Variants in FAM78B observed in about 807,000 individuals in gnomAD.
The protein encoded by FAM78B is family with sequence similarity 78 member B.
Under a neutral mutation model 20.0 loss-of-function variants are expected in FAM78B, and 10 were observed. The ratio of observed to expected loss-of-function variants is 0.50; its 90% CI spans 0.31 to 0.85. The LOEUF (loss-of-function observed/expected upper bound fraction) is 0.85, where lower values mean the gene tolerates loss of function less well. Ranked by LOEUF, FAM78B falls within the 40% of genes least tolerant of loss-of-function variation. The pLI is 0.05. For synonymous variants in FAM78B, 135 were observed against 132.8 expected (o/e 1.02, Z -0.12); for missense variants, 283 against 345.0 (o/e 0.82, Z 1.42).
At chr1:166,120,500 G>A (rs187229877) in intron 1 of FAM78B, among the ~76,000 whole-genome samples, 134 of 152,346 alleles carry the variant, frequency 8.8e-4, no homozygotes, top group Non-Finnish European at 1.2e-3. Flanking sequence ...ATGTTGAAAC[G>A]AGAGCATGGT....
intron 1 of FAM78B, among the ~76,000 whole-genome samples, chr1:166,112,026 G>T (rs944145341): frequency 6.6e-6 from 1 of 152,164 alleles, no homozygotes; most frequent in Non-Finnish European, 1.5e-5. Context: ...ACTCAGTGCT[G>T]TGTCCTTCCC....
intron 1 of FAM78B, among the ~76,000 whole-genome samples, chr1:166,150,148 G>T (rs1655621636): frequency 6.6e-6 from 1 of 152,156 alleles, no homozygotes; most frequent in South Asian, 2.1e-4. Context: ...CAGAGAAACT[G>T]GGTCTGCTGA....
At chr1:166,131,480 A>G (rs879648155) in intron 1 of FAM78B, among the ~76,000 whole-genome samples, 7 of 152,184 alleles carry the variant, frequency 4.6e-5, no homozygotes, top group Non-Finnish European at 8.8e-5. Flanking sequence ...ACTACCTCAC[A>G]GTAGTGGGCA....
chr1:166,061,348 T>C (rs923315100), intron 2 of FAM78B, among the ~76,000 whole-genome samples: 1 of 152,154 alleles, frequency 6.6e-6, no homozygotes, highest in Non-Finnish European at 1.5e-5. Flanking sequence ...TTCTTGATCA[T>C]TCTTCTGTTT....
chr1:166,075,432 T>C (rs1039175648), intron 1 of FAM78B, among the ~76,000 whole-genome samples: 2 of 152,206 alleles, frequency 1.3e-5, no homozygotes, highest in Non-Finnish European at 2.9e-5. Context: ...ATTGTGTGTG[T>C]GTGTGTAATC....
chr1:166,148,760 G>A (rs1321813644), intron 1 of FAM78B, among the ~76,000 whole-genome samples: 1 of 152,244 alleles, frequency 6.6e-6, no homozygotes, highest in Non-Finnish European at 1.5e-5. Flanking sequence ...TTCTCCCAAT[G>A]CAGTTGTCCA....
At chr1:166,098,671 T>C (rs1653379089) in intron 1 of FAM78B, among the ~76,000 whole-genome samples, 1 of 152,022 alleles carries the variant, frequency 6.6e-6, no homozygotes, top group Non-Finnish European at 1.5e-5. Flanking sequence ...AGTCTTCGAA[T>C]TAACCCAATC....
chr1:166,106,468 C>T (rs1391787651), intron 1 of FAM78B, among the ~76,000 whole-genome samples: 2 of 151,050 alleles, frequency 1.3e-5, no homozygotes, highest in Non-Finnish European at 2.9e-5. Flanking sequence ...AAATATAGTA[C>T]ACATACACCA....
intron 1 of FAM78B, among the ~76,000 whole-genome samples, chr1:166,145,615 A>C (rs183076295): frequency 1.3e-5 from 2 of 152,348 alleles, no homozygotes; most frequent in African/African-American, 4.8e-5. Flanking sequence ...ACAGGCCACA[A>C]TGCATTATCT....
At chr1:166,075,151 G>A (rs764800379) in intron 1 of FAM78B, among the ~76,000 whole-genome samples, 2 of 152,138 alleles carry the variant, frequency 1.3e-5, no homozygotes, top group African/African-American at 2.4e-5. Flanking sequence ...CTTTTGCTCA[G>A]GAGAGTTAAC....
chr1:166,077,845 A>G (rs1411516072), intron 1 of FAM78B, among the ~76,000 whole-genome samples: 1 of 120,398 alleles, frequency 8.3e-6, no homozygotes, highest in Non-Finnish European at 1.6e-5. Flanking sequence ...ATTTATATAT[A>G]TAATAATATA....
At chr1:166,107,796 T>G (rs1653845875) in intron 1 of FAM78B, among the ~76,000 whole-genome samples, 1 of 152,200 alleles carries the variant, frequency 6.6e-6, no homozygotes, top group Admixed American at 6.5e-5. Context: ...TAATCCGTGA[T>G]GATCAAGTGG....
At chr1:166,058,524 T>C (rs1651444944) in exon 3 of FAM78B, 1 of 151,360 alleles carries the variant, frequency 6.6e-6, no homozygotes, top group South Asian at 2.1e-4. Flanking sequence ...TGTGTGTGTG[T>C]GTGTGTGTGT....
chr1:166,104,957 C>T (rs1046977205), intron 1 of FAM78B, among the ~76,000 whole-genome samples: 3 of 152,206 alleles, frequency 2.0e-5, no homozygotes. Flanking sequence ...TCAAACTATA[C>T]TACAAGGGTA....
At chr1:166,076,713 C>G (rs957918297) in intron 1 of FAM78B, among the ~76,000 whole-genome samples, 2 of 152,144 alleles carry the variant, frequency 1.3e-5, no homozygotes, top group Non-Finnish European at 1.5e-5. Context: ...AATAGGAGTT[C>G]AAAATCATTT....
chr1:166,067,338 T>C (rs895766031), downstream of FAM78B, among the ~76,000 whole-genome samples: 3 of 152,162 alleles, frequency 2.0e-5, no homozygotes, highest in African/African-American at 7.2e-5. Flanking sequence ...TTAAGAAAAC[T>C]TAAGGCCTGA....
At chr1:166,158,669 C>T (rs1186234704) in intron 1 of FAM78B, among the ~76,000 whole-genome samples, 1 of 152,242 alleles carries the variant, frequency 6.6e-6, no homozygotes, top group Non-Finnish European at 1.5e-5. Context: ...CCCAAAACAA[C>T]AACAACAACT....
chr1:166,124,752 G>C (rs1654579463), intron 1 of FAM78B, among the ~76,000 whole-genome samples: 1 of 152,210 alleles, frequency 6.6e-6, no homozygotes, highest in Non-Finnish European at 1.5e-5. Flanking sequence ...GAACTGAACG[G>C]AACCTCCTCT....
At chr1:166,105,820 T>C (rs921660052) in intron 1 of FAM78B, among the ~76,000 whole-genome samples, 8 of 151,416 alleles carry the variant, frequency 5.3e-5, no homozygotes, top group African/African-American at 1.9e-4. Context: ...GATCTAGAAC[T>C]AGAAATACCA....
Sources: gnomAD v4.1 joint callset for allele counts (sites outside exome capture counted in the v4.1 genomes callset) on GRCh38, gnomAD v4.1.1 for gene constraint, MANE v1.5 for transcripts, NCBI Gene and HGNC (gene_info 2026-07-23, HGNC 2026-07-21) for gene names.